The following EHMT1 variants were observed in gnomAD, a reference collection of about 807,000 sequenced individuals.
EHMT1 encodes euchromatic histone lysine methyltransferase 1.
EHMT1 carries 15 observed loss-of-function variants against 147.2 expected under a neutral mutation model. The observed-to-expected ratio is 0.10, with a 90% CI of 0.07 to 0.16. EHMT1 has a LOEUF of 0.16. Among genes scored for constraint, EHMT1 ranks in the 10% least tolerant of loss-of-function variants. The pLI, the probability that EHMT1 is intolerant of heterozygous loss-of-function variation, is 1.00. For missense variants in EHMT1, 1,587 were observed against 1,772.4 expected (o/e 0.90, Z 1.88); for synonymous variants, 795 against 709.6 (o/e 1.12, Z -1.91).
At chr9:137,716,505 GGTGGT>G in intron 2 of EHMT1, 116 bp from the exon 3 acceptor site, 1 of 362,412 alleles carries the variant, frequency 2.8e-6, no homozygotes, top group South Asian at 3.4e-5. Context: ...AGGAAGTTGT[GGTGGT>G]GTCATGGTGG....
At chr9:137,711,118 C>G (rs1944672530) in intron 2 of EHMT1, 88 bp downstream of exon 2, 1 of 1,386,794 alleles carries the variant, frequency 7.2e-7, no homozygotes, top group South Asian at 1.3e-5. Flanking sequence ...TAGTCCCCGT[C>G]TTCTGACTTT....
intron 25 of EHMT1, among the ~76,000 whole-genome samples, chr9:137,825,317 G>A (rs1319182781): frequency 9.9e-5 from 15 of 152,230 alleles, no homozygotes; most frequent in Admixed American, 6.5e-4. Flanking sequence ...CTCTCCTCAC[G>A]GGCACCTGCC....
Position 137,723,450 on chromosome 9 carries a change from G to C in EHMT1, c.643-4899G>C, listed in dbSNP as rs532249285. On this transcript the variant is annotated intron_variant, in intron 3 of 26. Coordinates refer to ENST00000460843, the MANE Select transcript of EHMT1 (RefSeq NM_024757.5). The stretch of plus-strand genomic sequence containing the variant: ...TGGGCCTGAGCCCGGGGTGTGCCCT[G>C]TGTCTGTGGTTCTGGGCCTGAGCCC... 1.5e-4 allele frequency among the ~76,000 whole-genome samples: 20 copies of C among 130,848 alleles called. No individual in the cohort carries two copies. The East Asian group carries it at 2.2e-3, about 14-fold the overall frequency. The allele number at this position is 130,848 out of a possible 152,430, so 85.8% of individuals were successfully genotyped here.
intron 6 of EHMT1, among the ~76,000 whole-genome samples, chr9:137,748,162 G>T (rs1948700813): frequency 6.6e-6 from 1 of 152,052 alleles, no homozygotes; most frequent in Non-Finnish European, 1.5e-5. Context: ...GATGTTGGGT[G>T]CCTTTTTCAC....
chr9:137,816,287 G>A (rs569425039), intron 23 of EHMT1: 2 of 599,716 alleles, frequency 3.3e-6, no homozygotes, highest in Non-Finnish European at 6.1e-6. Context: ...CATGAGAGAA[G>A]GAGCAGGTTG....
intron 1 of EHMT1, among the ~76,000 whole-genome samples, chr9:137,681,670 TGTCTCCA>T (rs1941952709): frequency 1.3e-5 from 2 of 152,268 alleles, no homozygotes; most frequent in South Asian, 4.1e-4. Context: ...CTTTCTCTCC[TGTCTCCA>T]GTTTCCCATG....
intron 3 of EHMT1, among the ~76,000 whole-genome samples, chr9:137,723,103 C>T (rs112123533): frequency 4.2e-5 from 5 of 118,842 alleles, no homozygotes; most frequent in Non-Finnish European, 7.2e-5. Flanking sequence ...GGCCTGAGCC[C>T]GGGGTGTGTC....
chr9:137,744,045 C>T lies in EHMT1; in HGVS notation c.1125C>T (p.Ser375=). The change falls in exon 6 of 27, where the codon AGC becomes AGT. Residue 375 remains serine (S), a synonymous_variant. Transcript: ENST00000460843. ...CGGCCGCGTTCCCCACAGAGGACAG[C>T]AGGACTTCCAAGGAGAGCATGTCGG... ...EQAAAFPTED[S]RTSKESMSEA... 6.2e-7 allele frequency: 1 copy of T among 1,614,138 alleles called. No individual in the cohort carries two copies.
In EHMT1 at chr9:137,834,860, G is replaced by C. The variant is rs775375874; in HGVS notation, c.3804G>C (p.Ala1268=). 1 of 1,611,642 alleles carries C rather than the reference G, an allele frequency of 6.2e-7. No homozygotes were observed. Among genetic ancestry groups the C allele is most frequent in the South Asian group, 1.1e-5 (1 of 91,012 alleles). The change falls in exon 27 of 27, where the codon GCG becomes GCC. Residue 1268 remains alanine, a synonymous_variant. Coordinates refer to ENST00000460843, the MANE Select transcript of EHMT1 (RefSeq NM_024757.5). ...CGSPKCRHSS[A]ALAQRQASAA... is the part of the protein sequence containing the mutation. Reference sequence around the variant, plus strand: ...CCCCCAAGTGCCGGCACTCGAGCGCGGCCCTGGCCCAGCGTCAGGCCAGCG... The same window carrying C: ...CCCCCAAGTGCCGGCACTCGAGCGCCGCCCTGGCCCAGCGTCAGGCCAGCG...
At chr9:137,642,355 G>A (rs534557720) in intron 1 of EHMT1, among the ~76,000 whole-genome samples, 1 of 151,870 alleles carries the variant, frequency 6.6e-6, no homozygotes, top group Non-Finnish European at 1.5e-5. Context: ...AGCGCAGTGA[G>A]TATTCATAGG....
rs931986426 is a variant in EHMT1 at position 137,619,040 on chromosome 9, C to A, written c.12C>A (p.Ala4=). The A allele has an allele frequency of 7.3e-6, 7 of 963,340 alleles. No homozygotes were observed. Among genetic ancestry groups the A allele is most frequent in the East Asian group, 1.1e-4 (1 of 8,710 alleles). 59.7% of individuals were successfully genotyped at this position (963,340 alleles called of 1,614,324 possible). The change falls in exon 1 of 27, where the codon GCC becomes GCA. Residue 4 remains alanine (A), a synonymous_variant. Coordinates refer to ENST00000460843, the MANE Select transcript of EHMT1 (RefSeq NM_024757.5). The part of the protein sequence containing the change: MAA[A]DAEAVPARGE... ...TGCGGGCCCGGGCCATGGCCGCCGC[C>A]GATGCCGAGGTGAGCAGCGGGGCCG... is the stretch of plus-strand genomic sequence containing the variant.
At chr9:137,642,101 A>G (rs1049959744) in intron 1 of EHMT1, among the ~76,000 whole-genome samples, 12 of 152,000 alleles carry the variant, frequency 7.9e-5, no homozygotes, top group African/African-American at 2.7e-4. Flanking sequence ...CGGCCTCCCA[A>G]AGTGCTGGGA....
chr9:137,816,072 A>T lies in EHMT1; in HGVS notation c.3374+10A>T, dbSNP rs752456578. The T allele has an allele frequency of 1.9e-6, 3 of 1,605,552 alleles. No individual in the cohort carries two copies. The highest frequency in any genetic ancestry group is 3.3e-4 in the Middle Eastern group (2 of 6,056). ...TACAGAATGGTCTCAGGTGAGAGGC[A>T]GCTTCCTGCCGGAGCCCCACATTCT... On this transcript the variant is annotated intron_variant, in intron 23 of 26. Transcript: ENST00000460843.
intron 3 of EHMT1, among the ~76,000 whole-genome samples, chr9:137,721,083 C>T (rs1351460238): frequency 1.3e-5 from 2 of 151,900 alleles, no homozygotes; most frequent in Non-Finnish European, 2.9e-5. Context: ...GGTGTTTCCT[C>T]GAGGCTTCAG....
chr9:137,832,970 T>TG (rs1202576774), intron 25 of EHMT1: 2 of 152,284 alleles, frequency 1.3e-5, no homozygotes, highest in East Asian at 3.8e-4. Flanking sequence ...TCTGTTTCTT[T>TG]GGGGTAAACC....
At chr9:137,717,897 G>A (rs1396452882) in intron 3 of EHMT1, among the ~76,000 whole-genome samples, 7 of 152,234 alleles carry the variant, frequency 4.6e-5, no homozygotes, top group African/African-American at 1.7e-4. Context: ...GAGGGGCAAA[G>A]GGCCACCTGG....
chr9:137,661,518 G>A (rs1589150968), intron 1 of EHMT1, among the ~76,000 whole-genome samples: 2 of 126,970 alleles, frequency 1.6e-5, no homozygotes, highest in African/African-American at 3.1e-5. Context: ...ATGGAGTCTT[G>A]CTCTGTTGAC....
At chr9:137,676,757 A>C (rs1176439890) in intron 1 of EHMT1, among the ~76,000 whole-genome samples, 1 of 152,114 alleles carries the variant, frequency 6.6e-6, no homozygotes, top group African/African-American at 2.4e-5. Flanking sequence ...CACTGGGGGA[A>C]GTGGGTGGGG....
chr9:137,804,376 G>A (rs1283626033), intron 18 of EHMT1, among the ~76,000 whole-genome samples: 1 of 152,178 alleles, frequency 6.6e-6, no homozygotes, highest in Non-Finnish European at 1.5e-5. Flanking sequence ...TCTAATGACA[G>A]TTGATGTTAA....
Sources: gnomAD v4.1 joint callset for allele counts (sites outside exome capture counted in the v4.1 genomes callset) on GRCh38, gnomAD v4.1.1 for gene constraint, MANE v1.5 for transcripts, NCBI Gene and HGNC (gene_info 2026-07-23, HGNC 2026-07-21) for gene names.